ARHGAP24: variants seen among roughly 807,000 people sequenced by gnomAD.
The protein encoded by ARHGAP24 is rho GTPase-activating protein 24.
ARHGAP24 carries 50 observed loss-of-function variants against 76.4 expected under a neutral mutation model. The ratio of observed to expected loss-of-function variants is 0.65; its 90% CI spans 0.52 to 0.83. The LOEUF is 0.83. Among genes scored for constraint, ARHGAP24 ranks in the 40% least tolerant of loss-of-function variants. ARHGAP24 has a pLI of 0.00. For synonymous variants in ARHGAP24, 345 were observed against 323.3 expected, an observed-to-expected ratio of 1.07 and a Z score of -0.72; for missense variants, 930 against 914.2, an observed-to-expected ratio of 1.02 and a Z score of -0.22.
At chr4:85,787,889 T>A (rs922850956) in intron 3 of ARHGAP24, among the ~76,000 whole-genome samples, 5 of 152,164 alleles carry the variant, frequency 3.3e-5, no homozygotes, top group Non-Finnish European at 5.9e-5. Context: ...TCACTTCCCA[T>A]GTAAAGTGCA....
intron 2 of ARHGAP24, among the ~76,000 whole-genome samples, chr4:85,616,478 TATG>T (rs1720541055): frequency 6.6e-6 from 1 of 152,224 alleles, no homozygotes; most frequent in Non-Finnish European, 1.5e-5. Flanking sequence ...AATATTCTAA[TATG>T]ATCTTGTTTG....
At chr4:85,856,871 G>A (rs1445853084) in intron 3 of ARHGAP24, among the ~76,000 whole-genome samples, 1 of 152,050 alleles carries the variant, frequency 6.6e-6, no homozygotes, top group African/African-American at 2.4e-5. Flanking sequence ...ATTTTACTAT[G>A]ACTACTTTTA....
At chr4:85,828,170 A>T (rs1729812011) in intron 3 of ARHGAP24, among the ~76,000 whole-genome samples, 1 of 152,180 alleles carries the variant, frequency 6.6e-6, no homozygotes, top group Admixed American at 6.5e-5. Context: ...AACAGATTGG[A>T]CATAGTGCTG....
intron 5 of ARHGAP24, among the ~76,000 whole-genome samples, chr4:85,947,893 A>C (rs1173609337): frequency 6.6e-6 from 1 of 152,232 alleles, no homozygotes; most frequent in Non-Finnish European, 1.5e-5. Context: ...ATAAATGGAA[A>C]AAGAAAACAG....
rs574267804 is a variant in ARHGAP24, at chr4:85,697,548, C to T, written c.181-24337C>T. On this transcript the variant is annotated intron_variant, in intron 2 of 9. Transcript: ENST00000395184. Reference sequence around the variant, plus strand: ...TGCATAAAACCAGTGAACATACTTACAATAACATACTGCTGGCAGTAAGCT... The same window carrying T: ...TGCATAAAACCAGTGAACATACTTATAATAACATACTGCTGGCAGTAAGCT... Among the ~76,000 whole-genome samples the T allele has an allele frequency of 4.6e-5, 7 of 152,260 alleles. No homozygotes were observed. In the South Asian group the frequency reaches 1.5e-3, roughly 32 times the overall value.
chr4:85,524,596 C>A (rs1023471820), intron 1 of ARHGAP24, among the ~76,000 whole-genome samples: 9 of 152,142 alleles, frequency 5.9e-5, no homozygotes, highest in Admixed American at 4.6e-4. Flanking sequence ...GGATAAGTAA[C>A]TTGCATAAGG....
intron 2 of ARHGAP24, among the ~76,000 whole-genome samples, chr4:85,703,209 A>G (rs1724163898): frequency 6.6e-6 from 1 of 152,188 alleles, no homozygotes; most frequent in Non-Finnish European, 1.5e-5. Flanking sequence ...TAAGAAATTC[A>G]TTCACGTGTT....
intron 2 of ARHGAP24, among the ~76,000 whole-genome samples, chr4:85,613,665 A>C (rs1720463055): frequency 6.6e-6 from 1 of 152,200 alleles, no homozygotes; most frequent in Non-Finnish European, 1.5e-5. Flanking sequence ...GCAGAAACCT[A>C]TTCACATTTT....
At chr4:85,912,757 T>C (rs1735157365) in intron 3 of ARHGAP24, among the ~76,000 whole-genome samples, 2 of 152,162 alleles carry the variant, frequency 1.3e-5, no homozygotes, top group Admixed American at 1.3e-4. Flanking sequence ...AAAATAAAAA[T>C]AGTAAAATTT....
At chr4:85,564,312 A>G (rs965798871) in intron 1 of ARHGAP24, among the ~76,000 whole-genome samples, 1 of 148,888 alleles carries the variant, frequency 6.7e-6, no homozygotes, top group African/African-American at 2.5e-5. Context: ...CAAGCACTGT[A>G]TGTTCTCGCT....
chr4:85,662,653 C>G (rs574209709), intron 2 of ARHGAP24, among the ~76,000 whole-genome samples: 19 of 151,986 alleles, frequency 1.3e-4, no homozygotes, highest in African/African-American at 3.9e-4. Flanking sequence ...GGTTTTAGGT[C>G]TAACGTTTAA....
chr4:85,475,387 A>G lies in ARHGAP24; in HGVS notation c.-193A>G, dbSNP rs1668519881. 1 of 152,434 alleles carries G rather than the reference A, an allele frequency of 6.6e-6. No individual in the cohort carries two copies. The highest frequency in any genetic ancestry group is 1.5e-5 in the Non-Finnish European group (1 of 68,108). The allele number at this position is 152,434 out of a possible 1,614,324, so 9.4% of individuals were successfully genotyped here. A position where few individuals can be genotyped will look rare whatever the true frequency, so the allele number is the denominator to read the frequency against. On this transcript the variant is annotated 5_prime_UTR_variant, in exon 1 of 10. Transcript: ENST00000395184. Reference sequence around the variant, plus strand: ...CTCTCGGCCGCCTATTTCCTCCGAAACCCGCGCTGCGGAGCAGCCCAGTGC... The same window carrying G: ...CTCTCGGCCGCCTATTTCCTCCGAAGCCCGCGCTGCGGAGCAGCCCAGTGC...
rs144921034 is a variant in ARHGAP24 at position 85,757,769 on chromosome 4, C to G, written c.268+35797C>G. Among the ~76,000 whole-genome samples, 407 of 152,286 alleles carry G rather than the reference C, an allele frequency of 2.7e-3. 1 individual carries two copies. Among genetic ancestry groups the G allele is most frequent in the Non-Finnish European group, 4.5e-3 (305 of 68,016 alleles). On this transcript the variant is annotated intron_variant, in intron 3 of 9. Transcript: ENST00000395184. ...GCTGAGTCAAATGGTACTTCTAGTT[C>G]TAGATCCTTGAGGAATCACCATACT... is the stretch of plus-strand genomic sequence containing the variant.
chr4:85,988,656 A>G (rs944762790), intron 8 of ARHGAP24, among the ~76,000 whole-genome samples: 1 of 151,618 alleles, frequency 6.6e-6, no homozygotes, highest in Non-Finnish European at 1.5e-5. Flanking sequence ...AGGAGCAATT[A>G]TCAGATGCAA....
chr4:85,813,075 A>T (rs560669037), intron 3 of ARHGAP24, among the ~76,000 whole-genome samples: 2 of 152,282 alleles, frequency 1.3e-5, no homozygotes, highest in South Asian at 2.1e-4. Context: ...TTTTTCAAGG[A>T]GGTATCTTAT....
chr4:85,627,677 A>G (rs569048811), intron 2 of ARHGAP24, among the ~76,000 whole-genome samples: 4 of 152,228 alleles, frequency 2.6e-5, no homozygotes, highest in African/African-American at 4.8e-5. Flanking sequence ...AGTGGAGCCT[A>G]CAGACGCAGG....
intron 2 of ARHGAP24, among the ~76,000 whole-genome samples, chr4:85,624,141 G>C (rs896397349): frequency 6.6e-6 from 1 of 152,158 alleles, no homozygotes; most frequent in African/African-American, 2.4e-5. Flanking sequence ...GGAGTGGTGA[G>C]AGAGGGCATC....
At chr4:85,805,919 C>A (rs1347361221) in intron 3 of ARHGAP24, among the ~76,000 whole-genome samples, 2 of 152,106 alleles carry the variant, frequency 1.3e-5, no homozygotes, top group African/African-American at 4.8e-5. Flanking sequence ...TGTACATAAT[C>A]ACAGAATTTT....
intron 4 of ARHGAP24, chr4:85,931,121 G>C: frequency 1.4e-6 from 2 of 1,425,788 alleles, no homozygotes; most frequent in Non-Finnish European, 1.9e-6. Flanking sequence ...TTTATGCTCA[G>C]ATAAAATGGG....
Sources: allele counts gnomAD v4.1 joint callset (sites outside exome capture counted in the v4.1 genomes callset), GRCh38; gene constraint gnomAD v4.1.1; transcripts MANE v1.5; gene names NCBI Gene and HGNC (gene_info 2026-07-23, HGNC 2026-07-21).